The following ADAMTS9 variants were observed in gnomAD, a reference collection of about 807,000 sequenced individuals.
The protein encoded by ADAMTS9 is ADAM metallopeptidase with thrombospondin type 1 motif 9, also known as A disintegrin and metalloproteinase with thrombospondin motifs 9.
In ADAMTS9, 107 loss-of-function variants were observed where a neutral mutation model predicts 257.1. The ratio of observed to expected loss-of-function variants is 0.42; its 90% confidence interval spans 0.36 to 0.49. The LOEUF is 0.49. ADAMTS9 is among the 20% of genes least tolerant of loss of function. The pLI is 0.03. For synonymous variants in ADAMTS9, 982 were observed against 880.9 expected (o/e 1.11, Z -2.03); for missense variants, 2,353 against 2,469.1 (o/e 0.95, Z 1.00).
At chr3:64,608,571 A>T (rs929051591) in intron 22 of ADAMTS9, among the ~76,000 whole-genome samples, 2 of 152,154 alleles carry the variant, frequency 1.3e-5, no homozygotes, top group African/African-American at 4.8e-5. Flanking sequence ...AAACAGACAA[A>T]TCACAAAAAC....
rs1424920768 is a variant in ADAMTS9, at chr3:64,654,473, A to G, written c.1211-15T>C. The G allele has an allele frequency of 1.9e-6, 3 of 1,613,468 alleles. No homozygotes were observed. The highest frequency in any genetic ancestry group is 2.5e-6 in the Non-Finnish European group (3 of 1,179,782). ...TTCAGCCAGGCCTATTAGAAGGAAA[A>G]AAACCAACAAGGATTTACTCTAAAA... On this transcript the variant is annotated splice_polypyrimidine_tract_variant and intron_variant, in intron 7 of 39. Transcript: ENST00000498707.
chr3:64,524,057 G>A (rs1163666112), intron 38 of ADAMTS9, among the ~76,000 whole-genome samples: 2 of 152,166 alleles, frequency 1.3e-5, no homozygotes, highest in Non-Finnish European at 2.9e-5. Context: ...TGGATCACAA[G>A]TAACGTTAGA....
intron 25 of ADAMTS9, 31 bp downstream of exon 25, chr3:64,603,891 C>G (rs955127919): frequency 1.7e-5 from 28 of 1,609,182 alleles, no homozygotes; most frequent in Non-Finnish European, 2.2e-5. Flanking sequence ...TTCCCCCATT[C>G]CCCCTAATTC....
intron 11 of ADAMTS9, among the ~76,000 whole-genome samples, chr3:64,642,469 A>G (rs1700672741): frequency 6.9e-6 from 1 of 144,012 alleles, no homozygotes; most frequent in African/African-American, 2.7e-5. Context: ...GAGTTACATG[A>G]TTCTTATAAA....
chr3:64,568,572 TTTAA>T (rs759342471), intron 28 of ADAMTS9, 37 bp from the exon 29 acceptor site: 52 of 1,606,572 alleles, frequency 3.2e-5, no homozygotes, highest in South Asian at 3.4e-5. Context: ...GTTGTTGTTT[TTTAA>T]TTACACGGAG....
intron 36 of ADAMTS9, among the ~76,000 whole-genome samples, chr3:64,539,585 G>T (rs1264618530): frequency 6.6e-6 from 1 of 152,160 alleles, no homozygotes; most frequent in African/African-American, 2.4e-5. Context: ...CTTTGGAATT[G>T]ATTCCTACAT....
At chr3:64,555,956 A>T (rs2083327412) in intron 30 of ADAMTS9, among the ~76,000 whole-genome samples, 1 of 152,200 alleles carries the variant, frequency 6.6e-6, no homozygotes, top group South Asian at 2.1e-4. Flanking sequence ...TGAATAAATT[A>T]ATAAAATGAG....
intron 18 of ADAMTS9, 45 bp from the exon 19 acceptor site, chr3:64,621,285 T>G (rs141680129): frequency 8.9e-6 from 14 of 1,572,390 alleles, no homozygotes; most frequent in Middle Eastern, 1.9e-4. Context: ...AATAATCTAT[T>G]CCATAAACTA....
intron 12 of ADAMTS9, among the ~76,000 whole-genome samples, chr3:64,639,301 T>TTG (rs1553712707): frequency 1.4e-5 from 2 of 144,368 alleles, no homozygotes; most frequent in African/African-American, 5.2e-5. Context: ...TTGTTTTTTT[T>TTG]TTTTTTTTTT....
chr3:64,630,950 C>T (rs768859918), intron 16 of ADAMTS9, among the ~76,000 whole-genome samples: 4 of 152,112 alleles, frequency 2.6e-5, no homozygotes, highest in African/African-American at 4.8e-5. Context: ...TATTGCTATT[C>T]TAGTAATGAC....
At chr3:64,605,268 G>C (rs1213376632) in intron 23 of ADAMTS9, among the ~76,000 whole-genome samples, 1 of 152,154 alleles carries the variant, frequency 6.6e-6, no homozygotes, top group African/African-American at 2.4e-5. Flanking sequence ...ATAACTTAAA[G>C]GGAAATATAT....
In ADAMTS9 at chr3:64,516,018, T is replaced by C. The variant is rs541120280; in HGVS notation, c.*1109A>G. 1 of 152,314 alleles carries C rather than the reference T, an allele frequency of 6.6e-6. No homozygotes were observed. Among genetic ancestry groups the C allele is most frequent in the African/African-American group, 2.4e-5 (1 of 41,554 alleles). 9.4% of individuals were successfully genotyped at this position (152,314 alleles called of 1,614,324 possible). ...GTTCATTTCTTCACACAAACGTCCA[T>C]TACTGCAGCGGGCATGAAAACCGGC... On this transcript the variant is annotated 3_prime_UTR_variant, in exon 40 of 40. Coordinates refer to ENST00000498707, the MANE Select transcript of ADAMTS9 (RefSeq NM_182920.2).
chr3:64,615,800 T>C (rs1375336145), intron 20 of ADAMTS9, among the ~76,000 whole-genome samples, 160 bp downstream of exon 20: 2 of 152,168 alleles, frequency 1.3e-5, no homozygotes, highest in African/African-American at 4.8e-5. Flanking sequence ...AAATCAACCA[T>C]GCTACTCTAT....
chr3:64,683,458 C>G (rs1039043590), intron 2 of ADAMTS9, among the ~76,000 whole-genome samples: 1 of 152,162 alleles, frequency 6.6e-6, no homozygotes, highest in Non-Finnish European at 1.5e-5. Context: ...GGTTGAAATC[C>G]CAGCGCTGCC....
intron 11 of ADAMTS9, among the ~76,000 whole-genome samples, chr3:64,643,355 TAAA>T (rs1488275321): frequency 6.6e-6 from 1 of 150,808 alleles, no homozygotes; most frequent in African/African-American, 2.4e-5. Flanking sequence ...AAAAAACTAA[TAAA>T]AAACTTAAAT....
intron 36 of ADAMTS9, among the ~76,000 whole-genome samples, chr3:64,539,836 T>C (rs1226714963): frequency 6.6e-6 from 1 of 152,226 alleles, no homozygotes; most frequent in African/African-American, 2.4e-5. Flanking sequence ...GTTTCTCAAG[T>C]TCGGGGCTAG....
rs192420947 is a variant in ADAMTS9 at position 64,686,890 on chromosome 3, G to A, written c.194C>T (p.Thr65Met). 2 of 1,614,196 alleles carry A rather than the reference G, an allele frequency of 1.2e-6. No homozygotes were observed. The highest frequency in any genetic ancestry group is 2.2e-5 in the South Asian group (2 of 91,082). ...TCGCGTTCTTTTGAAGTGGACGTTC[G>A]TGGGAAAGGGTTCTCCGAGAGCGTT... ...RVNALGEPFPTNVHFKRTRRS... is the reference protein window; with the variant it reads ...RVNALGEPFPMNVHFKRTRRS... Residue 65 changes from threonine (T) to methionine (M), a missense_variant, in exon 2 of 40, where the codon ACG becomes ATG. Thr to Met is a moderately conservative substitution (Grantham distance 81, BLOSUM62 -1). Around this residue, in one of 3 missense-constraint regions of ADAMTS9, gnomAD observed 591 missense variants for 569.6 expected, o/e 1.04. Transcript: ENST00000498707. The surrounding 1 kb of genome is among the most constrained non-coding windows in gnomAD (Gnocchi z 4.6).
intron 2 of ADAMTS9, chr3:64,685,468 G>A (rs1559828026): frequency 6.6e-6 from 1 of 152,362 alleles, no homozygotes; most frequent in African/African-American, 2.4e-5. Flanking sequence ...GGGAGAGACT[G>A]ACCCGGGAAA....
intron 26 of ADAMTS9, 129 bp from the exon 27 acceptor site, chr3:64,597,120 CAATCAGGAAA>C: frequency 7.7e-7 from 1 of 1,295,856 alleles, no homozygotes. Flanking sequence ...GGACAAAAAG[CAATCAGGAAA>C]ACCCAAGAAC....
Sources: allele counts gnomAD v4.1 joint callset (sites outside exome capture counted in the v4.1 genomes callset), GRCh38; gene constraint gnomAD v4.1.1; regional missense constraint gnomAD v4.1.1; non-coding constraint Gnocchi (gnomAD v3.1); transcripts MANE v1.5; gene names NCBI Gene and HGNC (gene_info 2026-07-23, HGNC 2026-07-21).